The following LRMDA variants were observed in gnomAD, a reference collection of about 807,000 sequenced individuals.
LRMDA encodes the protein leucine rich melanocyte differentiation associated.
In LRMDA, 18 loss-of-function variants were observed where a neutral mutation model predicts 29.8. That is an observed-to-expected ratio of 0.60 (90% confidence interval 0.42 to 0.90). The LOEUF (loss-of-function observed/expected upper bound fraction) is 0.90. Among genes scored for constraint, LRMDA ranks in the 40% least tolerant of loss-of-function variants. The pLI is 0.00. For missense variants in LRMDA, 273 were observed against 273.9 expected (o/e 1.00, Z 0.02); for synonymous variants, 125 against 109.4 (o/e 1.14, Z -0.89).
rs748811099 is a variant in LRMDA at position 76,501,099 on chromosome 10, T to C, written c.602-56110T>C. Reference sequence around the variant, plus strand: ...TGTATGTCTATGTGTACTCAGTTCTTAGCTCCCACTTATAAGTGAAAGCAT... The same window carrying C: ...TGTATGTCTATGTGTACTCAGTTCTCAGCTCCCACTTATAAGTGAAAGCAT... On this transcript the variant is annotated intron_variant, in intron 6 of 6. Transcript: ENST00000611255. 2.7e-5 allele frequency among the ~76,000 whole-genome samples: 2 copies of C among 75,048 alleles called. 1 individual carries two copies. The highest frequency in any genetic ancestry group is 8.8e-5 in the Non-Finnish European group (2 of 22,620). 49.2% of individuals were successfully genotyped at this position (75,048 alleles called of 152,430 possible). A position where few individuals can be genotyped will look rare whatever the true frequency, so the allele number is the denominator to read the frequency against.
rs186436249 is a variant in LRMDA, at chr10:76,354,198, G to A, written c.601+29713G>A. On this transcript the variant is annotated intron_variant, in intron 6 of 6. Coordinates refer to ENST00000611255, the MANE Select transcript of LRMDA (RefSeq NM_001305581.2). The stretch of plus-strand genomic sequence containing the variant: ...AATATTAAAGGACTTCCACACTTGG[G>A]CTAGGTCTCTGGTGACAGTGTAAGC... 9.9e-5 allele frequency among the ~76,000 whole-genome samples: 15 copies of A among 152,240 alleles called. No individual in the cohort carries two copies. In the East Asian group the frequency reaches 2.5e-3, roughly 25 times the overall value.
chr10:76,133,788 A>G (rs1021533397), intron 5 of LRMDA, among the ~76,000 whole-genome samples: 2 of 152,010 alleles, frequency 1.3e-5, no homozygotes, highest in South Asian at 2.1e-4. Flanking sequence ...TCATTTATAC[A>G]TCTTATCTCT....
At chr10:76,019,145 CA>C (rs1331091365) in intron 2 of LRMDA, among the ~76,000 whole-genome samples, 1 of 152,170 alleles carries the variant, frequency 6.6e-6, no homozygotes, top group Admixed American at 6.5e-5. Flanking sequence ...GGGCCGGGTG[CA>C]GCTCACTGTG....
intron 5 of LRMDA, among the ~76,000 whole-genome samples, chr10:76,201,597 T>TA (rs1851432681): frequency 1.3e-5 from 2 of 152,194 alleles, no homozygotes; most frequent in African/African-American, 4.8e-5. Context: ...CAGAGCCTAT[T>TA]ATGTTGCATC....
At chr10:76,503,486 A>G (rs1272278233) in intron 6 of LRMDA, among the ~76,000 whole-genome samples, 7 of 149,798 alleles carry the variant, frequency 4.7e-5, no homozygotes, top group African/African-American at 1.2e-4. Flanking sequence ...TTTTTTTTCA[A>G]TTGTTGATTC....
intron 2 of LRMDA, among the ~76,000 whole-genome samples, chr10:75,889,581 A>G (rs555292702): frequency 1.3e-5 from 2 of 152,342 alleles, no homozygotes; most frequent in African/African-American, 4.8e-5. Flanking sequence ...GTGAGCAGCA[A>G]GAATGGTGAG....
chr10:75,662,122 T>C lies in LRMDA; in HGVS notation c.131+223628T>C, dbSNP rs145010765. Among the ~76,000 whole-genome samples the C allele has an allele frequency of 3.5e-3, 537 of 152,108 alleles. 3 individuals are homozygous for C. Among genetic ancestry groups the C allele is most frequent in the African/African-American group, 0.012 (501 of 41,522 alleles). The stretch of plus-strand genomic sequence containing the variant: ...GAGGAATTTAGCTGCTTTTTTTTTT[T>C]CTGCCAAAATTGCTTGAGTTTTCCA... On this transcript the variant is annotated intron_variant, in intron 2 of 6. Coordinates refer to ENST00000611255, the MANE Select transcript of LRMDA (RefSeq NM_001305581.2).
chr10:76,438,613 C>T (rs1842269139), intron 6 of LRMDA: 1 of 152,128 alleles, frequency 6.6e-6, no homozygotes, highest in Non-Finnish European at 1.5e-5. Context: ...TTCCTCTTTT[C>T]CCCCGTTTTC....
intron 2 of LRMDA, among the ~76,000 whole-genome samples, chr10:75,964,734 G>A (rs1431839039): frequency 5.9e-5 from 9 of 152,108 alleles, no homozygotes; most frequent in African/African-American, 1.4e-4. Context: ...GAAGACATGC[G>A]TTTGAAGCCT....
At chr10:75,569,404 G>A (rs901533003) in intron 2 of LRMDA, among the ~76,000 whole-genome samples, 1 of 152,230 alleles carries the variant, frequency 6.6e-6, no homozygotes, top group Non-Finnish European at 1.5e-5. Flanking sequence ...GTTAAAAGTT[G>A]TAGTGGCTTT....
At chr10:76,166,289 G>A (rs368534262) in intron 5 of LRMDA, among the ~76,000 whole-genome samples, 1 of 152,116 alleles carries the variant, frequency 6.6e-6, no homozygotes, top group African/African-American at 2.4e-5. Context: ...TGTTAAAATG[G>A]TACTTGTTCC....
intron 2 of LRMDA, among the ~76,000 whole-genome samples, chr10:75,962,901 T>G (rs1846793606): frequency 6.6e-6 from 1 of 152,226 alleles, no homozygotes; most frequent in Non-Finnish European, 1.5e-5. Flanking sequence ...GCGAGATGGC[T>G]TGGCCCACGG....
intron 2 of LRMDA, among the ~76,000 whole-genome samples, chr10:75,851,819 G>C (rs1474810451): frequency 2.6e-5 from 4 of 152,166 alleles, no homozygotes; most frequent in African/African-American, 9.7e-5. Context: ...GCCTTGAAAG[G>C]CCCTTCACTT....
chr10:76,188,074 A>T (rs1851180750), intron 5 of LRMDA, among the ~76,000 whole-genome samples: 1 of 152,032 alleles, frequency 6.6e-6, no homozygotes, highest in African/African-American at 2.4e-5. Flanking sequence ...CTGGCTTTCG[A>T]TGGAGCTCAC....
chr10:75,807,849 G>C (rs187130689), intron 2 of LRMDA, among the ~76,000 whole-genome samples: 1 of 152,140 alleles, frequency 6.6e-6, no homozygotes, highest in African/African-American at 2.4e-5. Flanking sequence ...CAGCCTTCAA[G>C]TTGAAATTAC....
chr10:75,583,630 A>G (rs1451849678), intron 2 of LRMDA, among the ~76,000 whole-genome samples: 2 of 152,148 alleles, frequency 1.3e-5, no homozygotes, highest in African/African-American at 4.8e-5. Flanking sequence ...ACAAATATCC[A>G]AACTCTATCA....
At chr10:75,679,801 T>C (rs1449332872) in intron 2 of LRMDA, among the ~76,000 whole-genome samples, 1 of 152,212 alleles carries the variant, frequency 6.6e-6, no homozygotes, top group Non-Finnish European at 1.5e-5. Context: ...ATCCTACTTC[T>C]GATGTGGCTT....
intron 6 of LRMDA, among the ~76,000 whole-genome samples, chr10:76,377,713 T>TTC (rs1207053599): frequency 2.0e-5 from 3 of 152,186 alleles, no homozygotes; most frequent in Non-Finnish European, 1.5e-5. Context: ...TGTCTGGGTT[T>TTC]TCTGTTCTGT....
At chr10:75,905,949 T>A (rs56329733) in intron 2 of LRMDA, among the ~76,000 whole-genome samples, 17,355 of 150,982 alleles carry the variant, frequency 0.11, 1,132 homozygotes, top group Middle Eastern at 0.3. Flanking sequence ...TTCTTTTTTT[T>A]AAAAATGATC....
Sources: allele counts gnomAD v4.1 joint callset (sites outside exome capture counted in the v4.1 genomes callset), GRCh38; gene constraint gnomAD v4.1.1; transcripts MANE v1.5; gene names NCBI Gene and HGNC (gene_info 2026-07-23, HGNC 2026-07-21).